The following NOVA1 variants were observed in gnomAD, a reference collection of about 807,000 sequenced individuals.
NOVA1 encodes the protein RNA-binding protein Nova-1.
In NOVA1, 7 loss-of-function variants were observed where a neutral mutation model predicts 38.0. The ratio of observed to expected loss-of-function variants is 0.18; its 90% CI spans 0.10 to 0.35. The LOEUF (loss-of-function observed/expected upper bound fraction) is 0.35. NOVA1 is among the 10% of genes least tolerant of loss of function. The pLI is 1.00. For missense variants in NOVA1, 460 were observed against 616.0 expected (o/e 0.75, Z 2.68); for synonymous variants, 270 against 232.5 (o/e 1.16, Z -1.47).
At chr14:26,491,438 T>C (rs961617148) in intron 2 of NOVA1, among the ~76,000 whole-genome samples, 9 of 152,340 alleles carry the variant, frequency 5.9e-5, no homozygotes, top group African/African-American at 2.2e-4. Flanking sequence ...ATAATGTCCT[T>C]TGATGCACAG....
chr14:26,527,443 T>C (rs1889388111), intron 2 of NOVA1, among the ~76,000 whole-genome samples: 1 of 151,712 alleles, frequency 6.6e-6, no homozygotes, highest in Non-Finnish European at 1.5e-5. Context: ...CCTGAATACA[T>C]CATTGCCCAG....
intron 2 of NOVA1, among the ~76,000 whole-genome samples, chr14:26,539,406 A>G (rs1890308824): frequency 6.6e-6 from 1 of 152,192 alleles, no homozygotes; most frequent in Non-Finnish European, 1.5e-5. Flanking sequence ...CAAAACATAC[A>G]GGCTTCAGAT....
intron 2 of NOVA1, among the ~76,000 whole-genome samples, chr14:26,527,588 G>T (rs1889397724): frequency 6.6e-6 from 1 of 152,096 alleles, no homozygotes; most frequent in South Asian, 2.1e-4. Context: ...CAACTACACA[G>T]TTAAGTAGCA....
chr14:26,466,562 T>C (rs1884155039), intron 4 of NOVA1, among the ~76,000 whole-genome samples: 1 of 152,180 alleles, frequency 6.6e-6, no homozygotes, highest in African/African-American at 2.4e-5. Flanking sequence ...TTTAAAATTG[T>C]GAACATAAAA....
chr14:26,460,204 T>C (rs1333932241), intron 4 of NOVA1, among the ~76,000 whole-genome samples: 1 of 151,934 alleles, frequency 6.6e-6, no homozygotes, highest in Non-Finnish European at 1.5e-5. Context: ...ATCTTACTAG[T>C]AATGGGAGGT....
chr14:26,559,336 A>G (rs1265777813), intron 2 of NOVA1, among the ~76,000 whole-genome samples: 2 of 152,126 alleles, frequency 1.3e-5, no homozygotes, highest in East Asian at 3.9e-4. Context: ...GTCATCATTT[A>G]TTGAATACTG....
intron 2 of NOVA1, among the ~76,000 whole-genome samples, chr14:26,564,820 G>A (rs1892038099): frequency 6.6e-6 from 1 of 152,092 alleles, no homozygotes; most frequent in Non-Finnish European, 1.5e-5. Flanking sequence ...TGTCCAACTG[G>A]TAAGTCTCAT....
chr14:26,490,898 G>A (rs1886284664), intron 2 of NOVA1, among the ~76,000 whole-genome samples: 1 of 144,390 alleles, frequency 6.9e-6, no homozygotes, highest in Non-Finnish European at 1.5e-5. Flanking sequence ...CGCCCAGGCT[G>A]GAGTGCAGTG....
intron 2 of NOVA1, among the ~76,000 whole-genome samples, chr14:26,482,238 T>G (rs116085732): frequency 1.3e-5 from 2 of 152,062 alleles, no homozygotes; most frequent in African/African-American, 2.4e-5. Flanking sequence ...AGGTTCACAA[T>G]TGCAGTACAT....
At chr14:26,531,539 G>A (rs1889713577) in intron 2 of NOVA1, among the ~76,000 whole-genome samples, 1 of 152,152 alleles carries the variant, frequency 6.6e-6, no homozygotes. Context: ...CCCAGGTGGT[G>A]GAGGTTGCCG....
chr14:26,547,963 G>A (rs1407047852), intron 2 of NOVA1, among the ~76,000 whole-genome samples: 1 of 152,010 alleles, frequency 6.6e-6, no homozygotes, highest in Non-Finnish European at 1.5e-5. Flanking sequence ...TCCACTCAGT[G>A]TAAGTAAAGC....
At chr14:26,574,098 T>G (rs1885076) in intron 2 of NOVA1, among the ~76,000 whole-genome samples, 85,925 of 147,466 alleles carry the variant, frequency 0.58, 29,854 homozygotes, top group Non-Finnish European at 0.75. Context: ...CAATCTCAGC[T>G]CACTGCAACC....
At position 26,597,705 on chromosome 14, in the gene NOVA1, T is replaced by A; in HGVS notation, c.-269A>T. On this transcript the variant is annotated 5_prime_UTR_variant, in exon 1 of 5. Transcript: ENST00000539517. ...TGGAGGGGGTGTGAGAGACGGAGGG[T>A]GAAAGAAGAAGAAGAAAGGAGACAG... 9.0e-7 allele frequency: 1 copy of A among 1,112,934 alleles called. No individual in the cohort carries two copies. The highest frequency in any genetic ancestry group is 1.1e-6 in the Non-Finnish European group (1 of 918,866). The allele number at this position is 1,112,934 out of a possible 1,614,324, so 68.9% of individuals were successfully genotyped here.
chr14:26,507,325 T>C (rs112354966), intron 2 of NOVA1, among the ~76,000 whole-genome samples: 3,274 of 152,258 alleles, frequency 0.022, 58 homozygotes, highest in South Asian at 0.052. Context: ...GGCTGATTTC[T>C]GAAAATCTTA....
chr14:26,577,499 T>A (rs1892932757), intron 2 of NOVA1, among the ~76,000 whole-genome samples: 1 of 152,116 alleles, frequency 6.6e-6, no homozygotes, highest in Admixed American at 6.5e-5. Context: ...AACCATATCT[T>A]TATGTTAATT....
intron 3 of NOVA1, among the ~76,000 whole-genome samples, chr14:26,475,943 G>A (rs1884951021): frequency 6.6e-6 from 1 of 152,036 alleles, no homozygotes. Context: ...AGAACCTCTG[G>A]TATTTATAGG....
intron 2 of NOVA1, among the ~76,000 whole-genome samples, chr14:26,521,883 T>TAACAA (rs1313612136): frequency 2.6e-5 from 4 of 152,100 alleles, no homozygotes; most frequent in Admixed American, 1.3e-4. Flanking sequence ...ATACTGCTAC[T>TAACAA]AACAACCAAG....
At chr14:26,540,134 C>T (rs1013622875) in intron 2 of NOVA1, among the ~76,000 whole-genome samples, 11 of 152,172 alleles carry the variant, frequency 7.2e-5, no homozygotes, top group Non-Finnish European at 2.9e-5. Context: ...AATCAGCCAT[C>T]CCCACTTCCC....
chr14:26,563,855 A>T (rs539090691), intron 2 of NOVA1, among the ~76,000 whole-genome samples: 28 of 152,252 alleles, frequency 1.8e-4, no homozygotes, highest in African/African-American at 6.0e-4. Flanking sequence ...TCAGAGATTT[A>T]TTCTGTTTAT....
Sources: gnomAD v4.1 joint callset for allele counts (sites outside exome capture counted in the v4.1 genomes callset) on GRCh38, gnomAD v4.1.1 for gene constraint, MANE v1.5 for transcripts, NCBI Gene and HGNC (gene_info 2026-07-23, HGNC 2026-07-21) for gene names.